Variants in NKAIN3 observed in about 807,000 individuals in gnomAD.
NKAIN3 encodes sodium/potassium transporting ATPase interacting 3.
NKAIN3 carries 25 observed loss-of-function variants against 30.2 expected under a neutral mutation model. The ratio of observed to expected loss-of-function variants is 0.83; its 90% CI spans 0.60 to 1.16. The LOEUF (loss-of-function observed/expected upper bound fraction) is 1.16, where lower values mean the gene tolerates loss of function less well. NKAIN3 is among the 50% of genes most tolerant of loss of function. The pLI is 0.00. For synonymous variants in NKAIN3, 91 were observed against 89.6 expected (o/e 1.02, Z -0.09); for missense variants, 225 against 254.1 (o/e 0.89, Z 0.78).
chr8:62,285,868 A>C (rs1231380943), intron 1 of NKAIN3, among the ~76,000 whole-genome samples: 2 of 152,172 alleles, frequency 1.3e-5, no homozygotes, highest in Non-Finnish European at 2.9e-5. Flanking sequence ...ATATTGGTGG[A>C]AAAAAGGAAA....
chr8:62,484,191 T>TC (rs201235562), intron 1 of NKAIN3, among the ~76,000 whole-genome samples: 1 of 152,146 alleles, frequency 6.6e-6, no homozygotes, highest in Admixed American at 6.5e-5. Flanking sequence ...ACTGGACTCA[T>TC]CTCTTGTCAC....
intron 6 of NKAIN3, among the ~76,000 whole-genome samples, chr8:62,956,500 G>C (rs1823422054): frequency 6.6e-6 from 1 of 152,136 alleles, no homozygotes; most frequent in South Asian, 2.1e-4. Flanking sequence ...TCATGTTTGA[G>C]TGTGTCACTG....
intron 1 of NKAIN3, among the ~76,000 whole-genome samples, chr8:62,435,413 A>AG (rs1389440464): frequency 2.0e-5 from 3 of 152,008 alleles, no homozygotes; most frequent in Non-Finnish European, 2.9e-5. Flanking sequence ...ATGTGGAGCC[A>AG]GGGGGACTGA....
At chr8:62,281,899 G>T (rs1261070590) in intron 1 of NKAIN3, among the ~76,000 whole-genome samples, 1 of 151,898 alleles carries the variant, frequency 6.6e-6, no homozygotes, top group African/African-American at 2.4e-5. Context: ...TCACAGGAAG[G>T]ACAAAAACAA....
At chr8:62,273,200 A>G (rs1812829272) in intron 1 of NKAIN3, among the ~76,000 whole-genome samples, 1 of 152,196 alleles carries the variant, frequency 6.6e-6, no homozygotes, top group Admixed American at 6.5e-5. Flanking sequence ...AGTGCTTTTT[A>G]ATTATGTCTG....
intron 1 of NKAIN3, among the ~76,000 whole-genome samples, chr8:62,275,027 G>C (rs559681369): frequency 5.1e-4 from 78 of 152,172 alleles, no homozygotes; most frequent in African/African-American, 1.4e-3. Context: ...CCAAATCTTT[G>C]CTATTGTGAA....
intron 3 of NKAIN3, among the ~76,000 whole-genome samples, chr8:62,617,764 G>C (rs1211381206): frequency 1.4e-5 from 2 of 141,400 alleles, no homozygotes; most frequent in Non-Finnish European, 3.0e-5. Flanking sequence ...TGGTATGTAA[G>C]AGAAACACCA....
intron 4 of NKAIN3, among the ~76,000 whole-genome samples, chr8:62,838,165 C>T (rs543108849): frequency 1.4e-4 from 21 of 149,822 alleles, no homozygotes; most frequent in African/African-American, 4.7e-4. Flanking sequence ...ATAAAATGAG[C>T]ATATCATGAA....
rs778971478 is a variant in NKAIN3 at position 62,957,042 on chromosome 8, T to TA, written c.603+3071dup. Among the ~76,000 whole-genome samples, 22 of 152,356 alleles carry TA rather than the reference T, an allele frequency of 1.4e-4. 1 individual carries two copies. The East Asian group carries it at 3.1e-3, about 21-fold the overall frequency. On this transcript the variant is annotated intron_variant, in intron 6 of 6. Coordinates refer to ENST00000623646, the MANE Select transcript of NKAIN3 (RefSeq NM_001304533.3). ...TTTCTTACAAAACTAAGCATACTTT[T>TA]ACCATGAGATCTAGCAATCGAGCTC...
intron 3 of NKAIN3, among the ~76,000 whole-genome samples, chr8:62,731,240 C>G (rs1815453640): frequency 7.2e-6 from 1 of 138,876 alleles, no homozygotes. Flanking sequence ...ACAGGACACA[C>G]ACACACACAC....
chr8:62,528,584 G>C (rs1211800397), intron 1 of NKAIN3, among the ~76,000 whole-genome samples: 1 of 151,734 alleles, frequency 6.6e-6, no homozygotes, highest in East Asian at 1.9e-4. Context: ...ATAGCTCTTA[G>C]AGCTATAGGT....
intron 4 of NKAIN3, among the ~76,000 whole-genome samples, chr8:62,818,222 A>G (rs1231707486): frequency 2.6e-5 from 4 of 152,190 alleles, no homozygotes; most frequent in Non-Finnish European, 4.4e-5. Context: ...CAACAGTTAT[A>G]TATGATGTTG....
chr8:62,891,031 G>A (rs1282374551), intron 4 of NKAIN3, among the ~76,000 whole-genome samples: 1 of 152,182 alleles, frequency 6.6e-6, no homozygotes, highest in Non-Finnish European at 1.5e-5. Flanking sequence ...AGGCCAATGG[G>A]CAGAGGCAAG....
intron 3 of NKAIN3, among the ~76,000 whole-genome samples, chr8:62,610,289 G>A (rs903964694): frequency 1.4e-4 from 21 of 151,332 alleles, no homozygotes; most frequent in African/African-American, 5.1e-4. Context: ...AAGTTGCAGT[G>A]AGCCAAGATC....
At chr8:62,529,847 A>G (rs530984326) in intron 1 of NKAIN3, among the ~76,000 whole-genome samples, 21 of 152,314 alleles carry the variant, frequency 1.4e-4, no homozygotes, top group African/African-American at 5.1e-4. Flanking sequence ...ACTCGAGGTC[A>G]GAGGTGTCAA....
chr8:62,840,369 A>G (rs1586255411), intron 4 of NKAIN3, among the ~76,000 whole-genome samples: 1 of 151,828 alleles, frequency 6.6e-6, no homozygotes, highest in African/African-American at 2.4e-5. Flanking sequence ...AAAAATTAAC[A>G]GTAAAACATA....
At chr8:62,800,021 T>G (rs964803077) in intron 4 of NKAIN3, among the ~76,000 whole-genome samples, 3 of 152,072 alleles carry the variant, frequency 2.0e-5, no homozygotes, top group Non-Finnish European at 2.9e-5. Context: ...TGCATAAGAA[T>G]GATACAATGG....
chr8:62,375,997 CA>C (rs1817069063), intron 1 of NKAIN3, among the ~76,000 whole-genome samples: 1 of 152,154 alleles, frequency 6.6e-6, no homozygotes, highest in Non-Finnish European at 1.5e-5. Context: ...GCTGGGAAGA[CA>C]AAGAGAAGAG....
In NKAIN3 at chr8:62,589,810, T is replaced by G; in HGVS notation, c.273+16T>G. The G allele has an allele frequency of 2.1e-6, 3 of 1,432,124 alleles. No individual in the cohort carries two copies. Among genetic ancestry groups the G allele is most frequent in the Non-Finnish European group, 2.9e-6 (3 of 1,018,284 alleles). The allele number at this position is 1,432,124 out of a possible 1,614,324, so 88.7% of individuals were successfully genotyped here. ...ACTCTCAAAGGTGAGTTTATCATGCTTTTAAAGTACACTTTAAAATGAGTA... is the reference window on the plus strand; with the variant it reads ...ACTCTCAAAGGTGAGTTTATCATGCGTTTAAAGTACACTTTAAAATGAGTA... On this transcript the variant is annotated intron_variant, in intron 3 of 6. Coordinates refer to ENST00000623646, the MANE Select transcript of NKAIN3 (RefSeq NM_001304533.3).
Sources: allele counts gnomAD v4.1 joint callset (sites outside exome capture counted in the v4.1 genomes callset), GRCh38; gene constraint gnomAD v4.1.1; transcripts MANE v1.5; gene names NCBI Gene and HGNC (gene_info 2026-07-23, HGNC 2026-07-21).